Variants in LMO7 observed in about 807,000 individuals in gnomAD.
LMO7 encodes LIM domain only protein 7.
Under a neutral mutation model 206.5 loss-of-function variants are expected in LMO7, and 120 were observed. That is an observed-to-expected ratio of 0.58 (90% CI 0.50 to 0.68). The LOEUF (loss-of-function observed/expected upper bound fraction) is 0.68, where lower values mean the gene tolerates loss of function less well. LMO7 is among the 30% of genes least tolerant of loss of function. The probability of loss-of-function intolerance (pLI) is 0.00; values close to 1 mark genes in which losing one functional copy is unlikely to be tolerated. For missense variants in LMO7, 1,959 were observed against 1,957.9 expected (o/e 1.00, Z -0.01); for synonymous variants, 706 against 681.5 (o/e 1.04, Z -0.56).
intron 2 of LMO7, 75 bp from the exon 3 acceptor site, chr13:75,726,954 G>A (rs2044534019): frequency 1.2e-6 from 1 of 812,818 alleles, no homozygotes; most frequent in Non-Finnish European, 2.1e-6. Flanking sequence ...AGTGATATAT[G>A]TGATTTTTGA....
chr13:75,718,980 CTT>C (rs750920790), intron 2 of LMO7, among the ~76,000 whole-genome samples: 17 of 140,318 alleles, frequency 1.2e-4, no homozygotes, highest in Non-Finnish European at 7.8e-5. Context: ...ATGTCTCTCT[CTT>C]TTTTTTTTTT....
At chr13:75,657,253 C>CT (rs2038145223) in intron 1 of LMO7, among the ~76,000 whole-genome samples, 1 of 152,192 alleles carries the variant, frequency 6.6e-6, no homozygotes, top group Admixed American at 6.5e-5. Context: ...GACTTCTAGA[C>CT]TTCAGAACTG....
At position 75,823,863 on chromosome 13, in the gene LMO7, C is replaced by T. The variant is rs760121859; in HGVS notation, c.2939C>T (p.Ser980Leu). The T allele has an allele frequency of 2.5e-6, 4 of 1,613,528 alleles. No individual in the cohort carries two copies. In the South Asian group the frequency reaches 3.3e-5, roughly 13 times the overall value. The change falls in exon 15 of 31, where the codon TCA becomes TTA. Residue 980 changes from serine (S) to leucine (L), a missense_variant. Coordinates refer to ENST00000377534, the MANE Select transcript of LMO7 (RefSeq NM_001306080.2). ...EGEISPQREV[S>L]RSQDQFSDMR... ...GAAATCTCCCCACAAAGAGAAGTCT[C>T]AAGATCCCAGGTGAGTTTGGAAAAG... is the stretch of plus-strand genomic sequence containing the variant.
intron 1 of LMO7, among the ~76,000 whole-genome samples, chr13:75,647,532 A>C (rs2037140010): frequency 6.6e-6 from 1 of 152,224 alleles, no homozygotes; most frequent in African/African-American, 2.4e-5. Context: ...TTTTCAGCTG[A>C]ATACCCTGTG....
chr13:75,651,334 G>A (rs2037538159), intron 1 of LMO7, among the ~76,000 whole-genome samples: 1 of 141,028 alleles, frequency 7.1e-6, no homozygotes, highest in African/African-American at 2.6e-5. Context: ...TTCTGAGACA[G>A]AGTCTCACTT....
At chr13:75,837,440 A>G (rs2059219240) in intron 19 of LMO7, among the ~76,000 whole-genome samples, 1 of 152,166 alleles carries the variant, frequency 6.6e-6, no homozygotes, top group Non-Finnish European at 1.5e-5. Flanking sequence ...GGGCCCTGTC[A>G]TTGGAAGGTT....
chr13:75,766,064 C>G (rs1246265277), intron 4 of LMO7, among the ~76,000 whole-genome samples: 1 of 152,130 alleles, frequency 6.6e-6, no homozygotes, highest in Non-Finnish European at 1.5e-5. Context: ...GTTGTTTTGT[C>G]TCCTCTGATC....
intron 1 of LMO7, among the ~76,000 whole-genome samples, chr13:75,655,094 C>G (rs2037928756): frequency 6.6e-6 from 1 of 152,184 alleles, no homozygotes; most frequent in African/African-American, 2.4e-5. Flanking sequence ...TGGTCTCGAA[C>G]TCCTGACCTT....
intron 3 of LMO7, among the ~76,000 whole-genome samples, chr13:75,759,268 G>A (rs1298537201): frequency 6.6e-6 from 1 of 152,172 alleles, no homozygotes; most frequent in East Asian, 1.9e-4. Flanking sequence ...TGAGAATTGG[G>A]TGGGGACACA....
At chr13:75,776,778 T>G (rs999743260) in intron 4 of LMO7, among the ~76,000 whole-genome samples, 1 of 152,224 alleles carries the variant, frequency 6.6e-6, no homozygotes, top group African/African-American at 2.4e-5. Flanking sequence ...CTGTTTTATT[T>G]GAACTTACCA....
At chr13:75,664,979 T>A (rs2139310547) in intron 1 of LMO7, among the ~76,000 whole-genome samples, 1 of 152,316 alleles carries the variant, frequency 6.6e-6, no homozygotes, top group East Asian at 1.9e-4. Flanking sequence ...TAATTATTCC[T>A]AAGGAGCCTT....
chr13:75,711,548 C>T (rs904376364), intron 1 of LMO7, among the ~76,000 whole-genome samples: 40 of 152,196 alleles, frequency 2.6e-4, no homozygotes, highest in African/African-American at 9.2e-4. Flanking sequence ...AGGGATTTCC[C>T]GGACCCCTTG....
Position 75,821,451 on chromosome 13 carries a change from C to G in LMO7, c.2482C>G (p.Leu828Val), listed in dbSNP as rs745796758. The change falls in exon 14 of 31, where the codon CTG (leucine) becomes GTG (valine). Residue 828 changes from leucine to valine, a missense_variant. By Grantham distance (32) the Leu-to-Val change is conservative (BLOSUM62 1). Coordinates refer to ENST00000377534, the MANE Select transcript of LMO7 (RefSeq NM_001306080.2). ...ACAAAGCCCAGCCTCTTTGTCTTCT[C>G]TGCGTTCACGGAGCACACAAATGGA... is the stretch of plus-strand genomic sequence containing the variant. ...EEQSPASLSSLRSRSTQMEST... is the reference protein window; with the variant it reads ...EEQSPASLSSVRSRSTQMEST... 5.6e-6 allele frequency: 9 copies of G among 1,614,076 alleles called. No individual in the cohort carries two copies. The highest frequency in any genetic ancestry group is 7.6e-6 in the Non-Finnish European group (9 of 1,180,040).
chr13:75,713,091 CATT>C, intron 1 of LMO7, 88 bp from the exon 2 acceptor site: 1 of 810,878 alleles, frequency 1.2e-6, no homozygotes. Flanking sequence ...TCAAGTATAA[CATT>C]AAATGCATAT....
At chr13:75,773,596 A>G (rs1039521049) in intron 4 of LMO7, among the ~76,000 whole-genome samples, 2 of 152,186 alleles carry the variant, frequency 1.3e-5, no homozygotes, top group African/African-American at 4.8e-5. Context: ...AGACGTGATG[A>G]GGATTGAGCC....
chr13:75,784,995 C>G (rs2052174491), intron 4 of LMO7, among the ~76,000 whole-genome samples: 1 of 151,938 alleles, frequency 6.6e-6, no homozygotes, highest in South Asian at 2.1e-4. Context: ...AGTGCTTTGG[C>G]AATATTTCAT....
At chr13:75,645,833 TC>T (rs2036959489) in intron 1 of LMO7, among the ~76,000 whole-genome samples, 1 of 152,242 alleles carries the variant, frequency 6.6e-6, no homozygotes. Context: ...TTATTGTTCA[TC>T]AGTGAATGTT....
intron 1 of LMO7, among the ~76,000 whole-genome samples, chr13:75,651,384 A>G (rs2037544474): frequency 6.7e-6 from 1 of 149,114 alleles, no homozygotes; most frequent in African/African-American, 2.5e-5. Flanking sequence ...ATCTCAGCTC[A>G]CTGTGACTTC....
intron 4 of LMO7, among the ~76,000 whole-genome samples, chr13:75,789,843 C>G (rs1179863853): frequency 6.6e-6 from 1 of 152,132 alleles, no homozygotes; most frequent in Non-Finnish European, 1.5e-5. Flanking sequence ...AAACTATAAT[C>G]TCATCCATTA....
Sources: gnomAD v4.1 joint callset for allele counts (sites outside exome capture counted in the v4.1 genomes callset) on GRCh38, gnomAD v4.1.1 for gene constraint, MANE v1.5 for transcripts, NCBI Gene and HGNC (gene_info 2026-07-23, HGNC 2026-07-21) for gene names.